The following NHSL1 variants were observed in gnomAD, a reference collection of about 807,000 sequenced individuals.
NHSL1 encodes the protein NHS-like protein 1.
NHSL1 carries 48 observed loss-of-function variants against 95.0 expected under a neutral mutation model. The ratio of observed to expected loss-of-function variants is 0.51; its 90% CI spans 0.40 to 0.64. The LOEUF is 0.64. NHSL1 is among the 30% of genes least tolerant of loss of function. The pLI is 0.00. For missense variants in NHSL1, 1,971 were observed against 2,077.7 expected, an observed-to-expected ratio of 0.95 and a Z score of 1.00; for synonymous variants, 783 against 833.9, an observed-to-expected ratio of 0.94 and a Z score of 1.05.
At chr6:138,595,645 T>TAA (rs1181929801) in intron 1 of NHSL1, among the ~76,000 whole-genome samples, 1 of 152,202 alleles carries the variant, frequency 6.6e-6, no homozygotes, top group African/African-American at 2.4e-5. Context: ...TATCATAGGG[T>TAA]AACCTGGAAT....
At chr6:138,462,845 T>A (rs1255607212) in intron 3 of NHSL1, among the ~76,000 whole-genome samples, 1 of 152,086 alleles carries the variant, frequency 6.6e-6, no homozygotes, top group Non-Finnish European at 1.5e-5. Flanking sequence ...GCCAGGAAAG[T>A]GGCAGAAGAA....
At chr6:138,644,279 G>A (rs560082454) in intron 1 of NHSL1, among the ~76,000 whole-genome samples, 7 of 152,122 alleles carry the variant, frequency 4.6e-5, no homozygotes, top group Admixed American at 2.6e-4. Flanking sequence ...GAGGAAGGTC[G>A]GTCACGAGGT....
At chr6:138,578,803 G>A (rs990938194) in intron 1 of NHSL1, among the ~76,000 whole-genome samples, 8 of 152,052 alleles carry the variant, frequency 5.3e-5, no homozygotes, top group Admixed American at 4.6e-4. Context: ...TGAACTCCTA[G>A]AAGCGCCCAA....
At chr6:138,547,601 T>C (rs9495121), upstream of NHSL1, among the ~76,000 whole-genome samples, 13,681 of 152,250 alleles carry the variant, frequency 0.09, 2,019 homozygotes, top group African/African-American at 0.31. Flanking sequence ...GCCAGGATGG[T>C]CTCGATCTCC....
At chr6:138,587,837 C>T (rs1320724001) in intron 1 of NHSL1, among the ~76,000 whole-genome samples, 1 of 152,360 alleles carries the variant, frequency 6.6e-6, no homozygotes, top group East Asian at 1.9e-4. Flanking sequence ...AGGAAGGACA[C>T]AACAACAGAC....
intron 1 of NHSL1, among the ~76,000 whole-genome samples, chr6:138,568,607 G>A (rs1783707232): frequency 6.6e-6 from 1 of 152,180 alleles, no homozygotes; most frequent in South Asian, 2.1e-4. Flanking sequence ...ACGGGGATGG[G>A]ATTCAAGAGA....
At chr6:138,473,458 G>A in intron 2 of NHSL1, 25 bp from the exon 3 acceptor site, 2 of 1,389,180 alleles carry the variant, frequency 1.4e-6, no homozygotes, top group Non-Finnish European at 1.9e-6. Context: ...GCAGGGAGGG[G>A]AAGGAGGCCA....
At chr6:138,576,257 G>T (rs1001403852), upstream of NHSL1, among the ~76,000 whole-genome samples, 5 of 152,046 alleles carry the variant, frequency 3.3e-5, no homozygotes, top group African/African-American at 9.7e-5. Flanking sequence ...CTCCCAAAGT[G>T]CTGGGATTAC....
chr6:138,617,728 G>A (rs1267571558), intron 1 of NHSL1, among the ~76,000 whole-genome samples: 1 of 152,246 alleles, frequency 6.6e-6, no homozygotes. Flanking sequence ...AGAAGGTCAA[G>A]AATTCTACGG....
intron 1 of NHSL1, among the ~76,000 whole-genome samples, chr6:138,578,023 C>T (rs966011051): frequency 6.6e-6 from 1 of 152,144 alleles, no homozygotes; most frequent in Non-Finnish European, 1.5e-5. Flanking sequence ...ACCTAATCAG[C>T]GCCGGCCCCG....
Position 138,692,518 on chromosome 6 carries a change from G to A in NHSL1, c.55C>T (p.Gln19Ter). ...TGGTCCAGGCGCGCAGCGGCGGCTT[G>A]CAGGGCGTCGAGGCGGCGGTGCAGC... The change falls in exon 1 of 4, where the codon CAA becomes TAA. Residue 19 changes from glutamine to a stop codon, truncating the protein, a stop_gained. Coordinates refer to the NHSL1 transcript ENST00000491526. LOFTEE classifies it high-confidence loss of function. This position sits in a 1 kb window ranked among gnomAD's most constrained non-coding sequence, Gnocchi z 4.0. 1 of 199,640 alleles carries A rather than the reference G, an allele frequency of 5.0e-6. No homozygotes were observed. Among genetic ancestry groups the A allele is most frequent in the Non-Finnish European group, 1.0e-5 (1 of 100,302 alleles). The allele number at this position is 199,640 out of a possible 1,614,324, so 12.4% of individuals were successfully genotyped here.
At chr6:138,494,076 A>G (rs1376835414) in intron 2 of NHSL1, among the ~76,000 whole-genome samples, 1 of 152,246 alleles carries the variant, frequency 6.6e-6, no homozygotes, top group Non-Finnish European at 1.5e-5. Context: ...AACAAAAAAT[A>G]GAACCATGAT....
chr6:138,590,571 T>A (rs867567555), intron 1 of NHSL1, among the ~76,000 whole-genome samples: 3 of 152,150 alleles, frequency 2.0e-5, no homozygotes, highest in Non-Finnish European at 4.4e-5. Flanking sequence ...CTCTGCCTCA[T>A]GAAACCCAAG....
At chr6:138,532,775 T>C (rs1327689797) in intron 1 of NHSL1, among the ~76,000 whole-genome samples, 2 of 152,172 alleles carry the variant, frequency 1.3e-5, no homozygotes, top group Admixed American at 6.5e-5. Flanking sequence ...CTGTTTTACA[T>C]GCAGAAATTT....
chr6:138,438,403 T>C (rs1391263414), intron 5 of NHSL1, among the ~76,000 whole-genome samples: 2 of 152,196 alleles, frequency 1.3e-5, no homozygotes, highest in Non-Finnish European at 2.9e-5. Context: ...CAGCACAGTG[T>C]AAACATAACT....
At chr6:138,599,989 C>G (rs1342020671) in intron 1 of NHSL1, among the ~76,000 whole-genome samples, 1 of 151,938 alleles carries the variant, frequency 6.6e-6, no homozygotes, top group Non-Finnish European at 1.5e-5. Flanking sequence ...TAAAAAAATA[C>G]AAAAACTAGC....
chr6:138,574,799 C>T (rs969765893), upstream of NHSL1, among the ~76,000 whole-genome samples: 4 of 152,094 alleles, frequency 2.6e-5, no homozygotes, highest in Non-Finnish European at 5.9e-5. Context: ...CTTCAGTGAG[C>T]TGTGGTTGCA....
At chr6:138,575,394 G>A (rs917379067), upstream of NHSL1, among the ~76,000 whole-genome samples, 11 of 152,154 alleles carry the variant, frequency 7.2e-5, no homozygotes, top group African/African-American at 2.4e-4. Context: ...TTCCTGCCAA[G>A]CAGCCAAAAT....
chr6:138,520,280 CTTTTTTTTTTT>C (rs397888767), intron 1 of NHSL1, among the ~76,000 whole-genome samples: 172 of 80,944 alleles, frequency 2.1e-3, no homozygotes, highest in African/African-American at 7.6e-3. Flanking sequence ...TAGTTTAATT[CTTTTTTTTTTT>C]TTTTTTTTTT....
Sources: gnomAD v4.1 joint callset for allele counts (sites outside exome capture counted in the v4.1 genomes callset) on GRCh38, gnomAD v4.1.1 for gene constraint, Gnocchi (gnomAD v3.1) non-coding constraint, MANE v1.5 for transcripts, NCBI Gene and HGNC (gene_info 2026-07-23, HGNC 2026-07-21) for gene names.